Variants in PALM2AKAP2 observed in about 807,000 individuals in gnomAD.
PALM2AKAP2 encodes the protein PALM2 and AKAP2 fusion.
A neutral mutation model predicts 71.5 loss-of-function variants in PALM2AKAP2; 37 were observed. That is an observed-to-expected ratio of 0.52 (90% confidence interval 0.40 to 0.68). PALM2AKAP2 has a LOEUF of 0.68. Among genes scored for constraint, PALM2AKAP2 ranks in the 30% least tolerant of loss-of-function variants. The pLI is 0.00. For synonymous variants in PALM2AKAP2, 468 were observed against 478.8 expected (o/e 0.98, Z 0.29); for missense variants, 1,224 against 1,191.8 (o/e 1.03, Z -0.40).
At chr9:110,032,014 A>G (rs1833286104) in intron 7 of PALM2AKAP2, among the ~76,000 whole-genome samples, 1 of 151,738 alleles carries the variant, frequency 6.6e-6, no homozygotes, top group Non-Finnish European at 1.5e-5. Flanking sequence ...GAGTATGATA[A>G]AACCGAACAG....
chr9:110,078,816 A>G (rs1479906008), intron 1 of PALM2AKAP2, among the ~76,000 whole-genome samples: 1 of 152,240 alleles, frequency 6.6e-6, no homozygotes, highest in Non-Finnish European at 1.5e-5. Context: ...AGCTGGTGAT[A>G]CACATGGAGT....
intron 3 of PALM2AKAP2, among the ~76,000 whole-genome samples, chr9:109,923,289 T>A (rs1036430515): frequency 1.8e-4 from 27 of 152,210 alleles, no homozygotes; most frequent in African/African-American, 6.3e-4. Flanking sequence ...CACCAGCTAT[T>A]TCTTGGCAAC....
chr9:109,835,824 G>A (rs1828458488), intron 1 of PALM2AKAP2, among the ~76,000 whole-genome samples: 1 of 152,356 alleles, frequency 6.6e-6, no homozygotes, highest in Non-Finnish European at 1.5e-5. Context: ...CAGCAGCAAG[G>A]CTTGGTGAGG....
Position 110,024,825 on chromosome 9 carries a change from GTTTTTT to G in PALM2AKAP2, c.582+8793_582+8798del, listed in dbSNP as rs879042144. 9.4e-6 allele frequency: 5 copies of G among 531,594 alleles called. No homozygotes were observed. In the East Asian group the frequency reaches 1.8e-4, roughly 19 times the overall value. 32.9% of individuals were successfully genotyped at this position (531,594 alleles called of 1,614,324 possible). On this transcript the variant is annotated intron_variant, in intron 7 of 9. Transcript: ENST00000302798. Reference sequence around the variant, plus strand: ...GATATGCCAGTGTCTTGGGTTTTTTGTTTTTTTTTTTTAACAGCCCAGAGGTCTTTT... The same window carrying G: ...GATATGCCAGTGTCTTGGGTTTTTTGTTTTTTAACAGCCCAGAGGTCTTTT...
chr9:109,774,738 A>T (rs547513578), intron 1 of PALM2AKAP2, among the ~76,000 whole-genome samples: 2 of 152,154 alleles, frequency 1.3e-5, no homozygotes, highest in South Asian at 2.1e-4. Flanking sequence ...GGCATTTTTC[A>T]TGAAGCAATG....
At chr9:110,103,735 G>A (rs1208691494) in intron 1 of PALM2AKAP2, among the ~76,000 whole-genome samples, 1 of 152,142 alleles carries the variant, frequency 6.6e-6, no homozygotes, top group Admixed American at 6.5e-5. Context: ...AATCCATGTG[G>A]CACACATACA....
At chr9:110,012,627 A>C (rs2132326951) in intron 6 of PALM2AKAP2, among the ~76,000 whole-genome samples, 1 of 152,332 alleles carries the variant, frequency 6.6e-6, no homozygotes, top group Non-Finnish European at 1.5e-5. Flanking sequence ...CTAAAATAGC[A>C]TTTTTAAACT....
Position 110,035,792 on chromosome 9 carries a change from ATGT to A in PALM2AKAP2, c.582+19757_582+19759del, listed in dbSNP as rs1428425111. On this transcript the variant is annotated intron_variant, in intron 7 of 9. Coordinates refer to the PALM2AKAP2 transcript ENST00000302798. ...ATGTTATATGTAACATATATAGGAT[ATGT>A]TGTGTGTTATATGTAACATATATAT... 1.4e-5 allele frequency among the ~76,000 whole-genome samples: 2 copies of A among 144,270 alleles called. 1 individual carries two copies. Among genetic ancestry groups the A allele is most frequent in the Non-Finnish European group, 3.0e-5 (2 of 66,584 alleles). The allele number at this position is 144,270 out of a possible 152,430, so 94.6% of individuals were successfully genotyped here.
chr9:109,726,499 G>T (rs1828479545), intron 1 of PALM2AKAP2, among the ~76,000 whole-genome samples: 1 of 152,238 alleles, frequency 6.6e-6, no homozygotes, highest in Admixed American at 6.5e-5. Context: ...CGCCTGGGTT[G>T]CTGACCATTC....
At chr9:109,801,695 C>T (rs537559393) in intron 1 of PALM2AKAP2, among the ~76,000 whole-genome samples, 1 of 150,836 alleles carries the variant, frequency 6.6e-6, no homozygotes, top group African/African-American at 2.5e-5. Context: ...GGGCCAGCTG[C>T]CCAGGTGTTG....
chr9:109,914,138 T>G (rs537999046), intron 3 of PALM2AKAP2, among the ~76,000 whole-genome samples: 3 of 152,352 alleles, frequency 2.0e-5, no homozygotes, highest in African/African-American at 7.2e-5. Context: ...AAGAGCTGTT[T>G]GGTGGCTGTG....
intron 7 of PALM2AKAP2, among the ~76,000 whole-genome samples, chr9:110,030,936 A>G (rs548269712): frequency 6.6e-6 from 1 of 152,214 alleles, no homozygotes; most frequent in African/African-American, 2.4e-5. Context: ...CTTCTTCCTC[A>G]GAAATTAGTC....
intron 6 of PALM2AKAP2, among the ~76,000 whole-genome samples, chr9:110,008,088 G>A (rs1438966775): frequency 3.3e-5 from 5 of 152,186 alleles, no homozygotes; most frequent in Non-Finnish European, 5.9e-5. Context: ...AAGGTGGTGG[G>A]AAAGTTTGAG....
chr9:110,044,476 C>T (rs141493548), upstream of PALM2AKAP2, among the ~76,000 whole-genome samples: 2,127 of 150,848 alleles, frequency 0.014, 29 homozygotes, highest in Non-Finnish European at 0.018. Flanking sequence ...CTCAGCCTCC[C>T]AAGTAGCTGG....
At chr9:110,057,167 C>T (rs565537880) in intron 1 of PALM2AKAP2, among the ~76,000 whole-genome samples, 3 of 152,192 alleles carry the variant, frequency 2.0e-5, no homozygotes, top group Middle Eastern at 3.4e-3. Context: ...AGGGTCTCTC[C>T]GTGTCACCCA....
At chr9:109,942,678 C>A in intron 6 of PALM2AKAP2, 1 of 1,536,574 alleles carries the variant, frequency 6.5e-7, no homozygotes, top group Non-Finnish European at 8.7e-7. Flanking sequence ...CTCTTGTTTT[C>A]ATTCAAGCTG....
chr9:110,171,379 T>G (rs1404968941), exon 4 of PALM2AKAP2: 1 of 152,234 alleles, frequency 6.6e-6, no homozygotes, highest in Non-Finnish European at 1.5e-5. Flanking sequence ...CTGTTTTCAC[T>G]GTGGCCCCTA....
At chr9:110,170,334 C>T (rs138285534) in exon 4 of PALM2AKAP2, 1 of 152,588 alleles carries the variant, frequency 6.6e-6, no homozygotes, top group East Asian at 1.9e-4. Flanking sequence ...ATGTCATAAG[C>T]TCTATTATGT....
chr9:110,086,223 A>T (rs112790833), intron 1 of PALM2AKAP2, among the ~76,000 whole-genome samples: 4,286 of 152,236 alleles, frequency 0.028, 84 homozygotes, highest in Middle Eastern at 0.071. Flanking sequence ...TTTGATTTTT[A>T]AAAACTATGT....
Sources: allele counts gnomAD v4.1 joint callset (sites outside exome capture counted in the v4.1 genomes callset), GRCh38; gene constraint gnomAD v4.1.1; transcripts MANE v1.5; gene names NCBI Gene and HGNC (gene_info 2026-07-23, HGNC 2026-07-21).